Variants in MTOR observed in about 807,000 individuals in gnomAD.
MTOR encodes mechanistic target of rapamycin kinase, also known as serine/threonine-protein kinase mTOR.
In MTOR, 70 loss-of-function variants were observed where a neutral mutation model predicts 319.8. The ratio of observed to expected loss-of-function variants is 0.22; its 90% CI spans 0.18 to 0.27. The LOEUF is 0.27. Ranked by LOEUF, MTOR falls within the 10% of genes least tolerant of loss-of-function variation. The pLI, the probability that MTOR is intolerant of heterozygous loss-of-function variation, is 1.00. For missense variants in MTOR, 1,890 were observed against 3,274.4 expected, an observed-to-expected ratio of 0.58 and a Z score of 10.32; for synonymous variants, 1,183 against 1,211.4, an observed-to-expected ratio of 0.98 and a Z score of 0.49.
chr1:11,112,573 C>G (rs769175924), intron 54 of MTOR, among the ~76,000 whole-genome samples: 15 of 152,326 alleles, frequency 9.8e-5, no homozygotes, highest in Middle Eastern at 3.4e-3. Flanking sequence ...TTACTTCCTT[C>G]ATGTTCAGTA....
chr1:11,236,061 A>G (rs1647208532), intron 13 of MTOR, among the ~76,000 whole-genome samples: 1 of 151,826 alleles, frequency 6.6e-6, no homozygotes, highest in Non-Finnish European at 1.5e-5. Flanking sequence ...TACCTGGAAC[A>G]TAGCATGTGG....
intron 28 of MTOR, among the ~76,000 whole-genome samples, chr1:11,184,770 T>G (rs1025991850): frequency 6.6e-6 from 1 of 152,020 alleles, no homozygotes; most frequent in African/African-American, 2.4e-5. Context: ...TGTTTGGCAA[T>G]TACCAAGGCC....
chr1:11,248,240 G>A (rs1339162695), intron 6 of MTOR, 146 bp from the exon 7 acceptor site: 2 of 862,120 alleles, frequency 2.3e-6, no homozygotes, highest in Non-Finnish European at 3.5e-6. Context: ...CATGTTTAGG[G>A]TTACAATTTC....
intron 29 of MTOR, among the ~76,000 whole-genome samples, chr1:11,165,936 A>G (rs1022770832): frequency 6.6e-6 from 1 of 152,176 alleles, no homozygotes; most frequent in Non-Finnish European, 1.5e-5. Context: ...CAGAAATAAT[A>G]CCACACATCT....
At chr1:11,149,796 G>T (rs1008103443) in intron 31 of MTOR, among the ~76,000 whole-genome samples, 8 of 152,172 alleles carry the variant, frequency 5.3e-5, no homozygotes, top group Non-Finnish European at 1.2e-4. Flanking sequence ...GCTGACAATG[G>T]CTTGGTGTAT....
chr1:11,189,589 A>T (rs761841028), intron 28 of MTOR: 2 of 1,601,494 alleles, frequency 1.2e-6, no homozygotes, highest in South Asian at 2.2e-5. Flanking sequence ...GATGCTGAAA[A>T]AGCCTCTCTC....
chr1:11,247,620 C>T lies in MTOR; in HGVS notation c.1225+5G>A. The stretch of plus-strand genomic sequence containing the variant: ...GGTAATGATGTCTTCCATGGACATC[C>T]TCACCTGTGAAGGCAGAAGGTCGGA... On this transcript the variant is annotated splice_donor_5th_base_variant and intron_variant, in intron 8 of 57. Coordinates refer to ENST00000361445, the MANE Select transcript of MTOR (RefSeq NM_004958.4). 4.3e-6 allele frequency: 7 copies of T among 1,612,670 alleles called. No individual in the cohort carries two copies. Among genetic ancestry groups the T allele is most frequent in the Non-Finnish European group, 5.9e-6 (7 of 1,178,810 alleles).
intron 32 of MTOR, 86 bp from the exon 33 acceptor site, chr1:11,145,131 A>T (rs963094240): frequency 8.9e-6 from 10 of 1,118,268 alleles, no homozygotes; most frequent in Non-Finnish European, 1.3e-5. Context: ...TACAGAAGTT[A>T]TCTGTCTCAC....
At chr1:11,194,552 CT>C in intron 28 of MTOR, 1 of 1,614,196 alleles carries the variant, frequency 6.2e-7, no homozygotes, top group Non-Finnish European at 8.5e-7. Context: ...GGGAACTACA[CT>C]GGCAATGTGG....
chr1:11,181,639 GA>G (rs934684979), intron 28 of MTOR, among the ~76,000 whole-genome samples: 2 of 152,162 alleles, frequency 1.3e-5, no homozygotes, highest in Non-Finnish European at 2.9e-5. Flanking sequence ...AAGGAAAACT[GA>G]CCCCATGCAG....
chr1:11,119,573 G>GGA lies in MTOR; in HGVS notation c.6933+1672_6933+1673insTC, dbSNP rs1553172104. ...GTGACAGACTGAGATTCCGTCTCGA[G>GGA]AAAAAAAAAAAAAAAAAAAAAAAAA... On this transcript the variant is annotated intron_variant, in intron 49 of 57. Transcript: ENST00000361445. Among the ~76,000 whole-genome samples the GGA allele has an allele frequency of 4.0e-4, 10 of 24,878 alleles. 1 individual carries two copies. Among genetic ancestry groups the GGA allele is most frequent in the South Asian group, 2.5e-3 (2 of 812 alleles). 16.3% of individuals were successfully genotyped at this position (24,878 alleles called of 152,430 possible). A position where few individuals can be genotyped will look rare whatever the true frequency, so the allele number is the denominator to read the frequency against.
chr1:11,136,844 AT>A (rs113225104), intron 36 of MTOR, among the ~76,000 whole-genome samples: 4,416 of 129,394 alleles, frequency 0.034, 139 homozygotes, highest in Admixed American at 0.078. Flanking sequence ...CTTAAATCTG[AT>A]TTTTTTTTTT....
rs1017869814 is a variant in MTOR, at chr1:11,166,844, C to A, written c.4329+598G>T. 6.6e-5 allele frequency among the ~76,000 whole-genome samples: 10 copies of A among 152,236 alleles called. No homozygotes were observed. The South Asian group carries it at 2.1e-3, about 32-fold the overall frequency. On this transcript the variant is annotated intron_variant, in intron 29 of 57. Transcript: ENST00000361445. ...ACAATAGCAAAGACTTGGAACCAAC[C>A]CAAATGTCCATCAATGATAGACTGG...
At chr1:11,137,471 C>T (rs1034460268) in intron 36 of MTOR, among the ~76,000 whole-genome samples, 7 of 152,166 alleles carry the variant, frequency 4.6e-5, no homozygotes, top group Admixed American at 1.3e-4. Flanking sequence ...TATCTTTCTA[C>T]TGTATAGTAC....
intron 8 of MTOR, among the ~76,000 whole-genome samples, chr1:11,247,106 C>T (rs1648946162): frequency 1.3e-5 from 2 of 152,170 alleles, no homozygotes; most frequent in South Asian, 4.1e-4. Context: ...AACCTTTCCA[C>T]AGCTGAGGGC....
Position 11,243,233 on chromosome 1 carries a change from T to A in MTOR, c.1293A>T (p.Thr431=), listed in dbSNP as rs550361762. The change falls in exon 9 of 58, where the codon ACA becomes ACT. Residue 431 remains threonine (T), a synonymous_variant. Transcript: ENST00000361445. ...LSCVKKEKER[T]AAFQALGLLS... ...GTAGCCCCAGGGCTTGGAAGGCCGC[T>A]GTACGTTCCTTCTCCTTCTTGACAC... 1.9e-5 allele frequency: 31 copies of A among 1,614,206 alleles called. No homozygotes were observed. The South Asian group carries it at 3.4e-4, about 18-fold the overall frequency.
At chr1:11,114,565 A>T in intron 52 of MTOR, 112 bp from the exon 53 acceptor site, 1 of 1,454,586 alleles carries the variant, frequency 6.9e-7, no homozygotes, top group Non-Finnish European at 9.4e-7. Context: ...ATGTTGACGT[A>T]TCAGGGTGAG....
intron 29 of MTOR, among the ~76,000 whole-genome samples, chr1:11,166,267 G>C (rs2100605046): frequency 6.6e-6 from 1 of 152,274 alleles, no homozygotes; most frequent in South Asian, 2.1e-4. Context: ...AAACTAAAGA[G>C]CTTCTGCACA....
Position 11,225,422 on chromosome 1 carries a change from CT to C in MTOR, c.3030+3245del, listed in dbSNP as rs201304113. On this transcript the variant is annotated intron_variant, in intron 19 of 57. Coordinates refer to ENST00000361445, the MANE Select transcript of MTOR (RefSeq NM_004958.4). ...TAGATCAACAAGTCAAAAATTGGTT[CT>C]TTTTTTTTTTTTTTTTGAGACAGAA... Among the ~76,000 whole-genome samples, 599 of 137,010 alleles carry C rather than the reference CT, an allele frequency of 4.4e-3. 2 individuals are homozygous for C. Among genetic ancestry groups the C allele is most frequent in the African/African-American group, 0.011 (396 of 37,334 alleles). The allele number at this position is 137,010 out of a possible 152,430, so 89.9% of individuals were successfully genotyped here.
Sources: allele counts gnomAD v4.1 joint callset (sites outside exome capture counted in the v4.1 genomes callset), GRCh38; gene constraint gnomAD v4.1.1; transcripts MANE v1.5; gene names NCBI Gene and HGNC (gene_info 2026-07-23, HGNC 2026-07-21).